ZFP69B: variants seen among roughly 807,000 people sequenced by gnomAD.
The protein encoded by ZFP69B is zinc finger protein 69 homolog B.
ZFP69B carries 20 observed loss-of-function variants against 19.7 expected under a neutral mutation model. The ratio of observed to expected loss-of-function variants is 1.02; its 90% CI spans 0.71 to 1.48. ZFP69B has a LOEUF of 1.48. Ranked by LOEUF, ZFP69B falls within the 40% of genes most tolerant of loss-of-function variation. ZFP69B has a pLI of 0.00. For missense variants in ZFP69B, 583 were observed against 632.6 expected (o/e 0.92, Z 0.84); for synonymous variants, 220 against 222.7 (o/e 0.99, Z 0.11).
rs149532463 is a variant in ZFP69B, at chr1:40,462,478, A to G, written c.494A>G (p.Glu165Gly). ...GCCTTACAGAATGATATTTCGTGGGAAGAACTACATTGTGGCCTAATGATG... is the reference window on the plus strand; with the variant it reads ...GCCTTACAGAATGATATTTCGTGGGGAGAACTACATTGTGGCCTAATGATG... The part of the protein sequence containing the change: ...ESALQNDISW[E>G]ELHCGLMMER... Residue 165 changes from glutamate to glycine, a missense_variant, in exon 5 of 5, where the codon GAA becomes GGA. Transcript: ENST00000361584. 3.2e-4 allele frequency: 518 copies of G among 1,612,670 alleles called. 1 individual carries two copies. Among genetic ancestry groups the G allele is most frequent in the Non-Finnish European group, 4.1e-4 (486 of 1,179,672 alleles).
intron 1 of ZFP69B, 97 bp downstream of exon 1, chr1:40,451,185 A>C (rs2124411621): frequency 1.5e-6 from 2 of 1,356,422 alleles, no homozygotes; most frequent in Non-Finnish European, 1.9e-6. Context: ...TAGGGAGACG[A>C]GTGGGTGGAG....
At chr1:40,457,578 TC>T (rs1645245828) in intron 4 of ZFP69B, 139 bp downstream of exon 4, 1 of 656,906 alleles carries the variant, frequency 1.5e-6, no homozygotes, top group Non-Finnish European at 2.6e-6. Flanking sequence ...GTCACCCTTT[TC>T]CCACACTTCC....
rs80124117 is a variant in ZFP69B, at chr1:40,459,011, G to C, written c.436+1572G>C. ...GGAGGTTTTTATGGGCCAGTCTAAGGTGGTTCACATCACTTTCACTTTCAT... is the reference window on the plus strand; with the variant it reads ...GGAGGTTTTTATGGGCCAGTCTAAGCTGGTTCACATCACTTTCACTTTCAT... On this transcript the variant is annotated intron_variant, in intron 4 of 4. Transcript: ENST00000361584. Among the ~76,000 whole-genome samples the C allele has an allele frequency of 3.2e-3, 482 of 152,310 alleles. 1 individual carries two copies. Among genetic ancestry groups the C allele is most frequent in the South Asian group, 0.015 (70 of 4,826 alleles).
intron 1 of ZFP69B, among the ~76,000 whole-genome samples, chr1:40,453,945 A>G (rs1431780140): frequency 1.3e-5 from 2 of 152,176 alleles, no homozygotes; most frequent in African/African-American, 4.8e-5. Flanking sequence ...CTTTCATGTC[A>G]GTGGGGAAAC....
chr1:40,455,360 G>T (rs1455427544), intron 2 of ZFP69B, among the ~76,000 whole-genome samples: 6 of 152,152 alleles, frequency 3.9e-5, no homozygotes. Flanking sequence ...AAATCACATG[G>T]TTTAATCATG....
chr1:40,457,247 C>T (rs1645241929), intron 3 of ZFP69B, 97 bp from the exon 4 acceptor site: 1 of 1,501,824 alleles, frequency 6.7e-7, no homozygotes. Context: ...CTCTACTCTG[C>T]TTTCTTTAGA....
intron 2 of ZFP69B, among the ~76,000 whole-genome samples, chr1:40,456,554 T>A (rs1411675231): frequency 6.6e-6 from 1 of 152,202 alleles, no homozygotes; most frequent in African/African-American, 2.4e-5. Context: ...ATTTTACCCA[T>A]GCTAAAGTAT....
At chr1:40,458,604 C>A (rs1381243356) in intron 4 of ZFP69B, among the ~76,000 whole-genome samples, 1 of 151,810 alleles carries the variant, frequency 6.6e-6, no homozygotes, top group African/African-American at 2.4e-5. Context: ...GCAACCTCCA[C>A]CTCCTGGATT....
At position 40,456,972 on chromosome 1, in the gene ZFP69B, G is replaced by T; in HGVS notation, c.241G>T (p.Val81Leu). The T allele has an allele frequency of 1.2e-6, 2 of 1,614,134 alleles. No individual in the cohort carries two copies. Among genetic ancestry groups the T allele is most frequent in the Non-Finnish European group, 1.7e-6 (2 of 1,179,998 alleles). Reference protein sequence around the residue: ...QELLTFKDVSVDFTQEEWGQL... With the variant: ...QELLTFKDVSLDFTQEEWGQL... Reference sequence around the variant, plus strand: ...ACTGTTAACCTTCAAGGACGTATCTGTGGACTTCACTCAGGAGGAGTGGGG... The same window carrying T: ...ACTGTTAACCTTCAAGGACGTATCTTTGGACTTCACTCAGGAGGAGTGGGG... The change falls in exon 3 of 5, where the codon GTG becomes TTG. Residue 81 changes from valine (V) to leucine (L), a missense_variant. By Grantham distance (32) the Val-to-Leu change is conservative. Transcript: ENST00000361584.
intron 4 of ZFP69B, among the ~76,000 whole-genome samples, chr1:40,459,069 T>G (rs1645259541): frequency 6.6e-6 from 1 of 152,194 alleles, no homozygotes; most frequent in South Asian, 2.1e-4. Flanking sequence ...GTGACTTCAC[T>G]CAATCTAATT....
chr1:40,462,394 G>A lies in ZFP69B; in HGVS notation c.437-27G>A, dbSNP rs186482474. ...AATTTTTTAAAGTGCAAGGAATATG[G>A]ATCTTTTTTTTTATTATTTCTTTCA... On this transcript the variant is annotated intron_variant, in intron 4 of 4. Coordinates refer to ENST00000361584, the MANE Select transcript of ZFP69B (RefSeq NM_023070.3). 9.5e-5 allele frequency: 147 copies of A among 1,546,512 alleles called. No homozygotes were observed. The East Asian group carries it at 9.6e-4, about 10-fold the overall frequency.
At position 40,456,929 on chromosome 1, in the gene ZFP69B, G is replaced by C; in HGVS notation, c.214-16G>C. The C allele has an allele frequency of 6.2e-7, 1 of 1,608,232 alleles. No individual in the cohort carries two copies. The highest frequency in any genetic ancestry group is 8.5e-7 in the Non-Finnish European group (1 of 1,177,034). ...TCCCAAAGTCTGGCTGAAAAGGAAC[G>C]TATTTGATGTTCTAGGAACTGTTAA... is the stretch of plus-strand genomic sequence containing the variant. On this transcript the variant is annotated splice_polypyrimidine_tract_variant and intron_variant, in intron 2 of 4. Transcript: ENST00000361584.
At position 40,457,454 on chromosome 1, in the gene ZFP69B, G is replaced by C. The variant is rs375386509; in HGVS notation, c.436+15G>C. 10 of 1,609,312 alleles carry C rather than the reference G, an allele frequency of 6.2e-6. No homozygotes were observed. The highest frequency in any genetic ancestry group is 1.7e-4 in the Middle Eastern group (1 of 6,054). On this transcript the variant is annotated intron_variant, in intron 4 of 4. Transcript: ENST00000361584. ...TCCAAGTTCAGGTAAGTGCAAGGCA[G>C]GTGGGGCCTTTGTGATGTTAGCCAG...
chr1:40,457,375 C>T lies in ZFP69B; in HGVS notation c.372C>T (p.Ser124=). 1 of 1,614,128 alleles carries T rather than the reference C, an allele frequency of 6.2e-7. No individual in the cohort carries two copies. The highest frequency in any genetic ancestry group is 8.5e-7 in the Non-Finnish European group (1 of 1,180,014). Residue 124 remains serine, a synonymous_variant, in exon 4 of 5, where the codon TCC becomes TCT. Coordinates refer to ENST00000361584, the MANE Select transcript of ZFP69B (RefSeq NM_023070.3). The part of the protein sequence containing the change: ...GCQLSKPGVI[S]QLEKGEEPWL... ...AGCTTTCCAAACCTGGCGTGATTTC[C>T]CAGTTGGAGAAAGGAGAAGAACCAT...
intron 2 of ZFP69B, 51 bp from the exon 3 acceptor site, chr1:40,456,894 C>A: frequency 6.4e-7 from 1 of 1,572,858 alleles, no homozygotes; most frequent in South Asian, 1.2e-5. Context: ...AGACAAAAGT[C>A]AGAACAACTT....
At position 40,451,510 on chromosome 1, in the gene ZFP69B, T is replaced by C. The variant is rs1276843962; in HGVS notation, c.127+422T>C. 3.3e-5 allele frequency among the ~76,000 whole-genome samples: 5 copies of C among 152,046 alleles called. 1 individual carries two copies. The East Asian group carries it at 9.7e-4, about 29-fold the overall frequency. ...AGAAAGCAAGGAAGAGCTTAAAGAC[T>C]ATGGATATGTGTCAAAAGAGGCCAG... On this transcript the variant is annotated intron_variant, in intron 1 of 4. Coordinates refer to ENST00000361584, the MANE Select transcript of ZFP69B (RefSeq NM_023070.3).
intron 1 of ZFP69B, among the ~76,000 whole-genome samples, chr1:40,451,994 A>G (rs1645191336): frequency 1.3e-5 from 2 of 152,056 alleles, no homozygotes; most frequent in African/African-American, 4.8e-5. Context: ...GCGTGGTGGC[A>G]CATGCCTGTA....
intron 3 of ZFP69B, 104 bp downstream of exon 3, chr1:40,457,175 T>C: frequency 3.2e-6 from 5 of 1,560,060 alleles, no homozygotes; most frequent in Non-Finnish European, 4.4e-6. Flanking sequence ...ATTAGAGGTT[T>C]TGTGTTTCCT....
chr1:40,457,281 A>G (rs866429584), intron 3 of ZFP69B, 63 bp from the exon 4 acceptor site: 8 of 1,569,390 alleles, frequency 5.1e-6, no homozygotes, highest in Middle Eastern at 1.7e-4. Flanking sequence ...AAAGAACCAT[A>G]TTTAAATTCT....
Sources: allele counts gnomAD v4.1 joint callset (sites outside exome capture counted in the v4.1 genomes callset), GRCh38; gene constraint gnomAD v4.1.1; transcripts MANE v1.5; gene names NCBI Gene and HGNC (gene_info 2026-07-23, HGNC 2026-07-21).